The following FBXL13 variants were observed in gnomAD, a reference collection of about 807,000 sequenced individuals.
The protein encoded by FBXL13 is F-box and leucine rich repeat protein 13.
In FBXL13, 67 loss-of-function variants were observed where a neutral mutation model predicts 83.6. That is an observed-to-expected ratio of 0.80 (90% CI 0.66 to 0.98). FBXL13 has a LOEUF of 0.98. Among genes scored for constraint, FBXL13 ranks in the 50% least tolerant of loss-of-function variants. FBXL13 has a pLI of 0.00. For missense variants in FBXL13, 822 were observed against 866.5 expected (o/e 0.95, Z 0.64); for synonymous variants, 272 against 299.5 (o/e 0.91, Z 0.95).
intron 11 of FBXL13, among the ~76,000 whole-genome samples, chr7:102,901,167 G>T (rs1034917176): frequency 6.6e-6 from 1 of 152,202 alleles, no homozygotes; most frequent in African/African-American, 2.4e-5. Context: ...CATTTTTAAA[G>T]AGAAGCTTGA....
intron 4 of FBXL13, among the ~76,000 whole-genome samples, chr7:103,027,778 T>C (rs753424683): frequency 6.6e-6 from 1 of 152,222 alleles, no homozygotes; most frequent in African/African-American, 2.4e-5. Context: ...GAAATTAAGA[T>C]GTAAAACTGC....
chr7:102,884,899 C>A (rs899573618), intron 11 of FBXL13, among the ~76,000 whole-genome samples: 5 of 152,086 alleles, frequency 3.3e-5, no homozygotes, highest in Non-Finnish European at 7.4e-5. Context: ...AATATGTGGC[C>A]TTTTGTTCCT....
At chr7:102,933,734 A>C in intron 8 of FBXL13, 25 of 536,230 alleles carry the variant, frequency 4.7e-5, no homozygotes, top group Non-Finnish European at 3.9e-5. Flanking sequence ...AGTGCTTGCA[A>C]TGGGCCTTAA....
At chr7:102,896,910 C>T (rs184648786) in intron 11 of FBXL13, among the ~76,000 whole-genome samples, 5 of 152,204 alleles carry the variant, frequency 3.3e-5, no homozygotes, top group South Asian at 2.1e-4. Context: ...TTCCATCAAT[C>T]CATAATAGAT....
At position 102,848,372 on chromosome 7, in the gene FBXL13, C is replaced by T. The variant is rs543311604; in HGVS notation, c.1719+6405G>A. On this transcript the variant is annotated intron_variant, in intron 17 of 19. Coordinates refer to ENST00000313221, the Ensembl canonical transcript of FBXL13. ...GAGATCGAGACCATCCTGGCTAACA[C>T]GGTGAAACCCCGTCTCTACTAAAAA... Among the ~76,000 whole-genome samples, 7 of 55,156 alleles carry T rather than the reference C, an allele frequency of 1.3e-4. 1 individual carries two copies. In the South Asian group the frequency reaches 2.9e-3, roughly 23 times the overall value. The allele number at this position is 55,156 out of a possible 152,430, so 36.2% of individuals were successfully genotyped here.
At chr7:102,827,283 A>T (rs1391422600) in intron 18 of FBXL13, 1 of 324,356 alleles carries the variant, frequency 3.1e-6, no homozygotes, top group Non-Finnish European at 6.9e-6. Flanking sequence ...CTCTAAGGGG[A>T]GTCAAGAGAT....
At chr7:103,030,586 AGAT>A (rs1422891678) in intron 2 of FBXL13, among the ~76,000 whole-genome samples, 1 of 152,226 alleles carries the variant, frequency 6.6e-6, no homozygotes, top group African/African-American at 2.4e-5. Flanking sequence ...AATTCTTTTT[AGAT>A]GATATTACCT....
chr7:102,851,929 C>G (rs761359577), intron 17 of FBXL13, among the ~76,000 whole-genome samples: 5 of 152,110 alleles, frequency 3.3e-5, no homozygotes, highest in African/African-American at 1.2e-4. Flanking sequence ...TAGCCAATTA[C>G]TTATCTCATG....
At position 102,931,279 on chromosome 7, in the gene FBXL13, G is replaced by C. The variant is rs145835774; in HGVS notation, c.777+602C>G. 3.3e-3 allele frequency among the ~76,000 whole-genome samples: 503 copies of C among 152,350 alleles called. 4 individuals carry two copies. The highest frequency in any genetic ancestry group is 0.012 in the African/African-American group (480 of 41,582). On this transcript the variant is annotated intron_variant, in intron 9 of 19. Coordinates refer to ENST00000313221, the Ensembl canonical transcript of FBXL13. Reference sequence around the variant, plus strand: ...ACAGAAACTGAAACAAGTGAGGCTGGAAAGGGAGGCAGAGGCAAAACCACA... The same window carrying C: ...ACAGAAACTGAAACAAGTGAGGCTGCAAAGGGAGGCAGAGGCAAAACCACA...
intron 6 of FBXL13, among the ~76,000 whole-genome samples, chr7:103,019,059 T>A (rs957584215): frequency 6.6e-6 from 1 of 152,076 alleles, no homozygotes. Context: ...CCAAAATTGA[T>A]CACATAGTTG....
chr7:103,029,656 T>C (rs1255419137), intron 2 of FBXL13, among the ~76,000 whole-genome samples: 1 of 152,154 alleles, frequency 6.6e-6, no homozygotes, highest in Non-Finnish European at 1.5e-5. Context: ...TCCCATTATA[T>C]CTCACTTAGT....
chr7:102,848,399 A>G (rs1804501270), intron 17 of FBXL13, among the ~76,000 whole-genome samples: 1 of 100,416 alleles, frequency 1.0e-5, no homozygotes, highest in Non-Finnish European at 1.8e-5. Flanking sequence ...TACTAAAAAT[A>G]CAAAAAATTA....
intron 18 of FBXL13, among the ~76,000 whole-genome samples, chr7:102,828,147 G>A (rs946402908): frequency 2.1e-4 from 32 of 152,168 alleles, no homozygotes; most frequent in African/African-American, 7.7e-4. Flanking sequence ...GATGGGGATG[G>A]CATTGAATCT....
intron 10 of FBXL13, among the ~76,000 whole-genome samples, chr7:102,916,052 C>T (rs553771543): frequency 6.6e-6 from 1 of 151,530 alleles, no homozygotes; most frequent in South Asian, 2.1e-4. Flanking sequence ...GGCATGATCT[C>T]GGCTCACTGC....
chr7:103,073,656 G>A (rs1450396191), intron 1 of FBXL13, among the ~76,000 whole-genome samples: 1 of 152,126 alleles, frequency 6.6e-6, no homozygotes, highest in Non-Finnish European at 1.5e-5. Context: ...CTGAACACAT[G>A]TGCAAGTATT....
intron 8 of FBXL13, among the ~76,000 whole-genome samples, chr7:102,945,659 A>C (rs1215599723): frequency 1.3e-5 from 2 of 152,202 alleles, no homozygotes; most frequent in Non-Finnish European, 2.9e-5. Flanking sequence ...GCATTTAGAT[A>C]GTCATATTCT....
intron 17 of FBXL13, among the ~76,000 whole-genome samples, chr7:102,853,473 G>T (rs900813245): frequency 6.6e-6 from 1 of 152,210 alleles, no homozygotes; most frequent in African/African-American, 2.4e-5. Context: ...AGGACTTCAT[G>T]TCTAAAACAC....
chr7:102,922,020 G>A (rs982616905), intron 10 of FBXL13, among the ~76,000 whole-genome samples: 3 of 151,922 alleles, frequency 2.0e-5, no homozygotes, highest in South Asian at 4.1e-4. Flanking sequence ...ATGAAACCTC[G>A]TCTCTATTAA....
At chr7:103,019,696 C>G (rs1792886768) in intron 6 of FBXL13, among the ~76,000 whole-genome samples, 1 of 152,160 alleles carries the variant, frequency 6.6e-6, no homozygotes, top group Admixed American at 6.6e-5. Flanking sequence ...CTATAAACAC[C>G]TCTATGCAAA....
Sources: gnomAD v4.1 joint callset for allele counts (sites outside exome capture counted in the v4.1 genomes callset) on GRCh38, gnomAD v4.1.1 for gene constraint, MANE v1.5 for transcripts, NCBI Gene and HGNC (gene_info 2026-07-23, HGNC 2026-07-21) for gene names.